The following CSMD1 variants were observed in gnomAD, a reference collection of about 807,000 sequenced individuals.
CSMD1 encodes CUB and sushi domain-containing protein 1.
Under a neutral mutation model 417.5 loss-of-function variants are expected in CSMD1, and 213 were observed. The observed-to-expected ratio is 0.51, with a 90% confidence interval of 0.46 to 0.57. The LOEUF (loss-of-function observed/expected upper bound fraction) is 0.57, where lower values mean the gene tolerates loss of function less well. CSMD1 is among the 20% of genes least tolerant of loss of function. The probability of loss-of-function intolerance (pLI) is 0.00; values close to 1 mark genes in which losing one functional copy is unlikely to be tolerated. For missense variants in CSMD1, 6,923 were observed against 4,529.7 expected (o/e 1.53, Z -15.17); for synonymous variants, 2,862 against 1,736.8 (o/e 1.65, Z -16.11).
intron 1 of CSMD1, among the ~76,000 whole-genome samples, chr8:4,977,489 C>T (rs1182599743): frequency 1.3e-5 from 2 of 152,188 alleles, no homozygotes; most frequent in African/African-American, 2.4e-5. Flanking sequence ...CTCTTCTGGG[C>T]TTTCTTCACA....
intron 3 of CSMD1, among the ~76,000 whole-genome samples, chr8:4,081,554 C>T (rs959308100): frequency 6.6e-6 from 1 of 152,162 alleles, no homozygotes; most frequent in Non-Finnish European, 1.5e-5. Context: ...CGAAGCTGTG[C>T]TCATGTTGAC....
chr8:3,129,913 G>T (rs757964790), intron 41 of CSMD1, among the ~76,000 whole-genome samples: 1 of 152,006 alleles, frequency 6.6e-6, no homozygotes, highest in African/African-American at 2.4e-5. Context: ...CCCGGGGGGC[G>T]GAGGTTGCAG....
chr8:3,107,313 T>C (rs911995962), intron 45 of CSMD1, among the ~76,000 whole-genome samples: 1 of 152,210 alleles, frequency 6.6e-6, no homozygotes, highest in Non-Finnish European at 1.5e-5. Flanking sequence ...ATGTCACTGT[T>C]ATGTAATCAT....
At chr8:3,265,662 T>G (rs28600213) in intron 26 of CSMD1, among the ~76,000 whole-genome samples, 2,280 of 152,124 alleles carry the variant, frequency 0.015, 25 homozygotes, top group Non-Finnish European at 0.025. Flanking sequence ...CAACATGAGG[T>G]CGTGCTAGGA....
intron 11 of CSMD1, among the ~76,000 whole-genome samples, chr8:3,491,217 G>A (rs1034087921): frequency 1.3e-5 from 2 of 152,148 alleles, no homozygotes; most frequent in Non-Finnish European, 2.9e-5. Context: ...AGGCGATAAA[G>A]ACTCAAGATC....
intron 2 of CSMD1, among the ~76,000 whole-genome samples, chr8:4,531,124 T>C (rs1796797502): frequency 1.3e-5 from 2 of 152,170 alleles, no homozygotes; most frequent in African/African-American, 2.4e-5. Flanking sequence ...AATACAGATA[T>C]GTAACTTAAC....
Position 3,682,472 on chromosome 8 carries a change from C to G in CSMD1, c.1009+25942G>C, listed in dbSNP as rs929928398. 2.6e-5 allele frequency among the ~76,000 whole-genome samples: 4 copies of G among 152,252 alleles called. No homozygotes were observed. In the East Asian group the frequency reaches 7.7e-4, roughly 29 times the overall value. On this transcript the variant is annotated intron_variant, in intron 7 of 69. Transcript: ENST00000635120. ...ATCATCACCGGCCATCAGAGAAATG[C>G]AAATCACAACCACAATGAGATACCA...
At chr8:3,268,986 A>G in intron 26 of CSMD1, among the ~76,000 whole-genome samples, 1 of 152,216 alleles carries the variant, frequency 6.6e-6, no homozygotes, top group Non-Finnish European at 1.5e-5. Context: ...TCCATCCTCA[A>G]GAATAGGAGA....
intron 3 of CSMD1, among the ~76,000 whole-genome samples, chr8:4,068,426 T>C (rs552836331): frequency 6.6e-6 from 1 of 152,162 alleles, no homozygotes; most frequent in Admixed American, 6.5e-5. Flanking sequence ...AAAGCACGGT[T>C]ACAGAAAATT....
chr8:3,286,721 T>C (rs1422727859), intron 25 of CSMD1, among the ~76,000 whole-genome samples: 1 of 152,106 alleles, frequency 6.6e-6, no homozygotes, highest in African/African-American at 2.4e-5. Flanking sequence ...TTCTGGTTAT[T>C]AGCCCTTTGT....
chr8:4,667,937 G>T (rs765248673), intron 1 of CSMD1, among the ~76,000 whole-genome samples: 1 of 152,094 alleles, frequency 6.6e-6, no homozygotes, highest in East Asian at 1.9e-4. Flanking sequence ...TCACACATAC[G>T]TCTTTGAAAC....
chr8:3,502,073 A>G (rs1382891450), intron 10 of CSMD1, among the ~76,000 whole-genome samples: 1 of 152,188 alleles, frequency 6.6e-6, no homozygotes, highest in East Asian at 1.9e-4. Context: ...ATATCTTGGA[A>G]TTTAACACCA....
chr8:4,009,463 A>G (rs1041439922), intron 4 of CSMD1, among the ~76,000 whole-genome samples: 1 of 152,208 alleles, frequency 6.6e-6, no homozygotes, highest in Non-Finnish European at 1.5e-5. Flanking sequence ...ATAAGCTATG[A>G]TACATTCAAA....
At chr8:3,315,921 G>C (rs536766234) in intron 23 of CSMD1, among the ~76,000 whole-genome samples, 2 of 152,236 alleles carry the variant, frequency 1.3e-5, no homozygotes, top group East Asian at 3.9e-4. Flanking sequence ...TTTAATGCTG[G>C]TTGTACTTTG....
chr8:3,548,253 C>A (rs1480848106), intron 10 of CSMD1, among the ~76,000 whole-genome samples: 1 of 152,174 alleles, frequency 6.6e-6, no homozygotes, highest in African/African-American at 2.4e-5. Flanking sequence ...TGCCCTTCCT[C>A]ACTCTCTGTA....
intron 12 of CSMD1, among the ~76,000 whole-genome samples, chr8:3,439,316 T>A (rs1168432493): frequency 7.5e-6 from 1 of 133,980 alleles, no homozygotes; most frequent in Non-Finnish European, 1.6e-5. Context: ...TATATTTTTT[T>A]TTTTAATATG....
chr8:3,586,023 A>G (rs2116998364), intron 9 of CSMD1, 113 bp downstream of exon 9: 6 of 1,082,130 alleles, frequency 5.5e-6, no homozygotes, highest in Non-Finnish European at 7.7e-6. Flanking sequence ...ATACATTACT[A>G]CCGAATTCTA....
At chr8:3,497,882 C>G (rs966077255) in intron 10 of CSMD1, among the ~76,000 whole-genome samples, 4 of 152,184 alleles carry the variant, frequency 2.6e-5, no homozygotes, top group African/African-American at 7.2e-5. Context: ...TTTGTCTGCT[C>G]TACCAGTGAA....
At chr8:4,273,052 T>G (rs1340815067) in intron 3 of CSMD1, among the ~76,000 whole-genome samples, 1 of 152,160 alleles carries the variant, frequency 6.6e-6, no homozygotes, top group Non-Finnish European at 1.5e-5. Context: ...TGGGGATCAT[T>G]ATGTTGCCAT....
Sources: gnomAD v4.1 joint callset for allele counts (sites outside exome capture counted in the v4.1 genomes callset) on GRCh38, gnomAD v4.1.1 for gene constraint, MANE v1.5 for transcripts, NCBI Gene and HGNC (gene_info 2026-07-23, HGNC 2026-07-21) for gene names.